The following FYN variants were observed in gnomAD, a reference collection of about 807,000 sequenced individuals.
FYN encodes tyrosine-protein kinase Fyn.
A neutral mutation model predicts 70.2 loss-of-function variants in FYN; 10 were observed. The ratio of observed to expected loss-of-function variants is 0.14; its 90% CI spans 0.09 to 0.24. FYN has a LOEUF of 0.24. Ranked by LOEUF, FYN falls within the 10% of genes least tolerant of loss-of-function variation. FYN has a pLI of 1.00. For synonymous variants in FYN, 236 were observed against 248.6 expected (o/e 0.95, Z 0.48); for missense variants, 319 against 673.1 (o/e 0.47, Z 5.82).
intron 2 of FYN, among the ~76,000 whole-genome samples, chr6:111,830,268 A>T (rs1772973801): frequency 6.6e-6 from 1 of 152,218 alleles, no homozygotes; most frequent in African/African-American, 2.4e-5. Flanking sequence ...CAGTACAGGA[A>T]GATGGGATAA....
chr6:111,705,512 G>C (rs1184305122), intron 6 of FYN, among the ~76,000 whole-genome samples: 1 of 151,664 alleles, frequency 6.6e-6, no homozygotes, highest in Non-Finnish European at 1.5e-5. Context: ...TCAGCCTCCT[G>C]GGACTAAAGG....
At chr6:111,764,104 T>C (rs923632735) in intron 3 of FYN, among the ~76,000 whole-genome samples, 8 of 150,162 alleles carry the variant, frequency 5.3e-5, no homozygotes, top group African/African-American at 7.4e-5. Flanking sequence ...CTGGGTGAGG[T>C]TGCAGGGAGT....
chr6:111,689,124 TGTAA>T (rs1799187286), intron 12 of FYN, among the ~76,000 whole-genome samples: 1 of 152,194 alleles, frequency 6.6e-6, no homozygotes, highest in African/African-American at 2.4e-5. Flanking sequence ...AGATAGCCCA[TGTAA>T]GTTTCACACT....
chr6:111,692,109 C>CG (rs916788779), intron 12 of FYN, among the ~76,000 whole-genome samples: 33 of 144,130 alleles, frequency 2.3e-4, no homozygotes, highest in African/African-American at 5.0e-4. Context: ...TTTCCCCCCC[C>CG]CCCAGTTCAG....
intron 2 of FYN, among the ~76,000 whole-genome samples, chr6:111,826,413 C>T (rs934826538): frequency 6.6e-6 from 1 of 152,152 alleles, no homozygotes; most frequent in Middle Eastern, 3.2e-3. Context: ...GGAGCTACCC[C>T]TGCACATACC....
chr6:111,838,113 C>A (rs1207589600), intron 2 of FYN, among the ~76,000 whole-genome samples: 1 of 152,142 alleles, frequency 6.6e-6, no homozygotes, highest in Non-Finnish European at 1.5e-5. Flanking sequence ...GAACACTTAA[C>A]CCTCATTACC....
intron 1 of FYN, among the ~76,000 whole-genome samples, chr6:111,850,761 G>A (rs1773662567): frequency 6.6e-6 from 1 of 152,238 alleles, no homozygotes; most frequent in South Asian, 2.1e-4. Context: ...TGAGGCCTGT[G>A]CAGCTGCAGA....
chr6:111,668,707 A>G (rs1295274907), intron 13 of FYN, among the ~76,000 whole-genome samples: 1 of 152,086 alleles, frequency 6.6e-6, no homozygotes, highest in Non-Finnish European at 1.5e-5. Context: ...GAAATCTTGT[A>G]GAAGGAGGTG....
chr6:111,780,168 G>A (rs1479513638), intron 3 of FYN, among the ~76,000 whole-genome samples: 1 of 152,094 alleles, frequency 6.6e-6, no homozygotes, highest in Non-Finnish European at 1.5e-5. Context: ...TTCCTAAGCT[G>A]CCTGCTTCTC....
At chr6:111,762,695 T>C (rs1803056190) in intron 3 of FYN, among the ~76,000 whole-genome samples, 1 of 152,098 alleles carries the variant, frequency 6.6e-6, no homozygotes. Flanking sequence ...GTGGGGGAAG[T>C]CTGCATGCAG....
chr6:111,749,381 A>G (rs376337878), intron 3 of FYN, among the ~76,000 whole-genome samples: 1 of 152,222 alleles, frequency 6.6e-6, no homozygotes, highest in South Asian at 2.1e-4. Flanking sequence ...TGCTTGCTCT[A>G]TGTACCCCAA....
At chr6:111,824,487 G>A (rs1055974181) in intron 2 of FYN, among the ~76,000 whole-genome samples, 1 of 152,174 alleles carries the variant, frequency 6.6e-6, no homozygotes, top group African/African-American at 2.4e-5. Context: ...AATCTACACT[G>A]CATCTTGTTA....
intron 4 of FYN, among the ~76,000 whole-genome samples, chr6:111,719,125 A>G (rs991781938): frequency 3.3e-5 from 5 of 152,216 alleles, no homozygotes; most frequent in Non-Finnish European, 7.3e-5. Flanking sequence ...TGAAATATCT[A>G]GTTACCATGG....
At chr6:111,751,789 C>CT (rs1036079984) in intron 3 of FYN, among the ~76,000 whole-genome samples, 12 of 151,170 alleles carry the variant, frequency 7.9e-5, no homozygotes, top group East Asian at 3.9e-4. Flanking sequence ...TGTAAATAAT[C>CT]TTTTTTTTTG....
chr6:111,872,505 C>A (rs954392989), intron 1 of FYN, among the ~76,000 whole-genome samples: 3 of 105,144 alleles, frequency 2.9e-5, no homozygotes, highest in Admixed American at 1.3e-4. Flanking sequence ...CGACCGCCGC[C>A]GAGGGAGGAG....
At chr6:111,675,574 T>C (rs1798492775) in intron 12 of FYN, among the ~76,000 whole-genome samples, 1 of 151,802 alleles carries the variant, frequency 6.6e-6, no homozygotes, top group Non-Finnish European at 1.5e-5. Flanking sequence ...CGGGCGGTCA[T>C]TTGAGGTCAG....
chr6:111,839,348 G>A (rs1254610796), intron 2 of FYN, among the ~76,000 whole-genome samples: 2 of 152,088 alleles, frequency 1.3e-5, no homozygotes, highest in African/African-American at 4.8e-5. Context: ...CAGAAATCCA[G>A]ATCTCCTATG....
intron 2 of FYN, among the ~76,000 whole-genome samples, chr6:111,820,902 TAAACAACAAC>T (rs970052839): frequency 3.9e-5 from 6 of 152,124 alleles, no homozygotes; most frequent in Non-Finnish European, 1.5e-5. Flanking sequence ...CTATTTATGT[TAAACAACAAC>T]AAACAACTAG....
At chr6:111,763,578 C>T (rs1219362521) in intron 3 of FYN, among the ~76,000 whole-genome samples, 1 of 152,178 alleles carries the variant, frequency 6.6e-6, no homozygotes, top group East Asian at 1.9e-4. Context: ...TTATTGTGAA[C>T]AATTTCAAAC....
Sources: gnomAD v4.1 joint callset for allele counts (sites outside exome capture counted in the v4.1 genomes callset) on GRCh38, gnomAD v4.1.1 for gene constraint, MANE v1.5 for transcripts, NCBI Gene and HGNC (gene_info 2026-07-23, HGNC 2026-07-21) for gene names.